Variants in ESR1 observed in about 807,000 individuals in gnomAD.
ESR1 encodes estrogen receptor.
Under a neutral mutation model 52.7 loss-of-function variants are expected in ESR1, and 12 were observed. The ratio of observed to expected loss-of-function variants is 0.23; its 90% CI spans 0.15 to 0.37. The LOEUF (loss-of-function observed/expected upper bound fraction) is 0.37. Among genes scored for constraint, ESR1 ranks in the 10% least tolerant of loss-of-function variants. The pLI, the probability that ESR1 is intolerant of heterozygous loss-of-function variation, is 1.00. For missense variants in ESR1, 584 were observed against 779.7 expected, an observed-to-expected ratio of 0.75 and a Z score of 2.99; for synonymous variants, 305 against 316.8, an observed-to-expected ratio of 0.96 and a Z score of 0.39.
Position 152,012,229 on chromosome 6 carries a change from A to G in ESR1, c.1235+435A>G, listed in dbSNP as rs539908344. Among the ~76,000 whole-genome samples the G allele has an allele frequency of 5.3e-5, 8 of 152,270 alleles. No individual in the cohort carries two copies. In the South Asian group the frequency reaches 1.5e-3, roughly 28 times the overall value. The stretch of plus-strand genomic sequence containing the variant: ...CTCCAATTTTCCCATCCGTAAAATG[A>G]AGAAATTTGACCAGAGTTCTGAAGG... On this transcript the variant is annotated intron_variant, in intron 5 of 7. Coordinates refer to ENST00000206249, the MANE Select transcript of ESR1 (RefSeq NM_000125.4).
At chr6:152,118,407 T>G (rs1341559749) in intron 6 of ESR1, 1 of 152,114 alleles carries the variant, frequency 6.6e-6, no homozygotes, top group African/African-American at 2.4e-5. Flanking sequence ...GAATACACCA[T>G]GGAATACTAT....
chr6:152,109,663 GC>G (rs1188499132), intron 6 of ESR1, among the ~76,000 whole-genome samples: 2 of 152,312 alleles, frequency 1.3e-5, no homozygotes, highest in African/African-American at 4.8e-5. Context: ...TCCAGCCTGG[GC>G]AACAAGAGCA....
intron 2 of ESR1, among the ~76,000 whole-genome samples, chr6:151,742,043 C>A (rs1256407853): frequency 2.0e-5 from 3 of 152,080 alleles, no homozygotes; most frequent in African/African-American, 4.8e-5. Flanking sequence ...TTTTCTGAGT[C>A]TTTGTTTATT....
At chr6:151,830,175 T>C (rs920045266) in intron 1 of ESR1, among the ~76,000 whole-genome samples, 2 of 152,196 alleles carry the variant, frequency 1.3e-5, no homozygotes, top group Admixed American at 6.5e-5. Flanking sequence ...TCTAGGACTC[T>C]TGTAGTGTAT....
At chr6:151,921,740 T>A (rs1409761954) in intron 3 of ESR1, among the ~76,000 whole-genome samples, 1 of 152,218 alleles carries the variant, frequency 6.6e-6, no homozygotes. Context: ...TGTCTTCTTT[T>A]GAAAAGTGTC....
chr6:151,678,885 C>T (rs1778352095), intron 1 of ESR1, among the ~76,000 whole-genome samples: 1 of 151,934 alleles, frequency 6.6e-6, no homozygotes, highest in Non-Finnish European at 1.5e-5. Context: ...CAGGGTTTCA[C>T]ACTGTTGACC....
chr6:151,897,680 T>G (rs772410990), intron 3 of ESR1, among the ~76,000 whole-genome samples: 1 of 152,210 alleles, frequency 6.6e-6, no homozygotes, highest in Admixed American at 6.5e-5. Flanking sequence ...CTATTTAAAT[T>G]CAATGTTAGT....
chr6:151,962,947 A>T (rs1010441658), intron 4 of ESR1, among the ~76,000 whole-genome samples: 1 of 152,178 alleles, frequency 6.6e-6, no homozygotes, highest in African/African-American at 2.4e-5. Context: ...TAATATAAGC[A>T]TATAGTTTTG....
chr6:151,894,252 T>G (rs1795125959), intron 3 of ESR1, among the ~76,000 whole-genome samples: 1 of 152,204 alleles, frequency 6.6e-6, no homozygotes, highest in Non-Finnish European at 1.5e-5. Context: ...TTGTTTGTTT[T>G]TTTTCTTGCT....
chr6:151,986,503 A>T (rs1199900460), intron 4 of ESR1, among the ~76,000 whole-genome samples: 1 of 152,104 alleles, frequency 6.6e-6, no homozygotes, highest in African/African-American at 2.4e-5. Context: ...TATTTGTCTT[A>T]GTAAGATTAT....
intron 3 of ESR1, among the ~76,000 whole-genome samples, chr6:151,939,448 AT>A (rs2034778850): frequency 6.6e-6 from 1 of 152,164 alleles, no homozygotes; most frequent in Non-Finnish European, 1.5e-5. Flanking sequence ...TTCTCTTTGA[AT>A]TTCAATTATC....
intron 1 of ESR1, among the ~76,000 whole-genome samples, chr6:151,701,211 G>GTTT (rs34710279): frequency 6.9e-6 from 1 of 145,098 alleles, no homozygotes. Context: ...TGGGCTGGGA[G>GTTT]TTTTTTTTTT....
At chr6:151,701,629 T>C (rs538552684) in intron 1 of ESR1, among the ~76,000 whole-genome samples, 71 of 150,604 alleles carry the variant, frequency 4.7e-4, no homozygotes, top group Non-Finnish European at 8.7e-4. Context: ...AATGAAGAAA[T>C]ACTTGCCAAT....
intron 2 of ESR1, among the ~76,000 whole-genome samples, chr6:151,786,468 TAATC>T (rs1787032564): frequency 6.6e-6 from 1 of 152,192 alleles, no homozygotes; most frequent in South Asian, 2.1e-4. Flanking sequence ...TCCCTGGACT[TAATC>T]TAGAGAGTCA....
At chr6:152,062,389 TATCACAGTA>T (rs2128962603) in intron 6 of ESR1, among the ~76,000 whole-genome samples, 1 of 152,298 alleles carries the variant, frequency 6.6e-6, no homozygotes, top group East Asian at 1.9e-4. Context: ...GCCTAATGGT[TATCACAGTA>T]ATCATTCTCA....
At chr6:151,894,973 T>C (rs1325747035) in intron 3 of ESR1, among the ~76,000 whole-genome samples, 1 of 152,186 alleles carries the variant, frequency 6.6e-6, no homozygotes, top group Non-Finnish European at 1.5e-5. Context: ...AGATTGCTTT[T>C]GGCAGTATGA....
At chr6:152,114,813 C>A (rs1185708275) in intron 6 of ESR1, among the ~76,000 whole-genome samples, 1 of 146,694 alleles carries the variant, frequency 6.8e-6, no homozygotes, top group African/African-American at 2.5e-5. Flanking sequence ...ATGGCGTGAA[C>A]CCGGGAGGCG....
chr6:152,009,098 G>C (rs1193433790), intron 4 of ESR1, among the ~76,000 whole-genome samples: 1 of 152,026 alleles, frequency 6.6e-6, no homozygotes, highest in Non-Finnish European at 1.5e-5. Flanking sequence ...AGAGATACCT[G>C]TTCCCTCCCT....
chr6:151,815,129 TA>T (rs1229577354), intron 1 of ESR1, among the ~76,000 whole-genome samples: 1 of 152,182 alleles, frequency 6.6e-6, no homozygotes. Context: ...GTCAGAAACA[TA>T]GTTGATTTTA....
Sources: gnomAD v4.1 joint callset for allele counts (sites outside exome capture counted in the v4.1 genomes callset) on GRCh38, gnomAD v4.1.1 for gene constraint, MANE v1.5 for transcripts, NCBI Gene and HGNC (gene_info 2026-07-23, HGNC 2026-07-21) for gene names.